Variants in ZNF490 observed in about 807,000 individuals in gnomAD.
ZNF490 encodes the protein zinc finger protein 490.
In ZNF490, 11 loss-of-function variants were observed where a neutral mutation model predicts 17.7. The ratio of observed to expected loss-of-function variants is 0.62; its 90% confidence interval spans 0.39 to 1.03. The LOEUF is 1.03. Among genes scored for constraint, ZNF490 ranks in the 50% least tolerant of loss-of-function variants. The pLI is 0.00. For missense variants in ZNF490, 542 were observed against 643.4 expected (o/e 0.84, Z 1.71); for synonymous variants, 222 against 216.1 (o/e 1.03, Z -0.24).
chr19:12,597,134 G>T (rs959378420), intron 2 of ZNF490: 6 of 462,230 alleles, frequency 1.3e-5, no homozygotes, highest in African/African-American at 2.0e-5. Context: ...GGGACTCCCG[G>T]CCCCGCACAC....
chr19:12,602,508 C>T (rs1157429505), intron 2 of ZNF490, among the ~76,000 whole-genome samples: 3 of 152,086 alleles, frequency 2.0e-5, no homozygotes, highest in Non-Finnish European at 4.4e-5. Context: ...CGAGATGATG[C>T]CACTGGACTC....
chr19:12,602,127 C>CACACACACAT (rs35798638), intron 2 of ZNF490, among the ~76,000 whole-genome samples: 3,960 of 141,872 alleles, frequency 0.028, 93 homozygotes, highest in South Asian at 0.043. Context: ...CACACACACA[C>CACACACACAT]ATATATGGGC....
chr19:12,581,505 T>A lies in ZNF490; in HGVS notation c.570A>T (p.Gly190=). The A allele has an allele frequency of 6.2e-7, 1 of 1,614,218 alleles. No individual in the cohort carries two copies. The highest frequency in any genetic ancestry group is 1.1e-5 in the South Asian group (1 of 91,084). ...ATTCTTTGCATTTATGTGGCTTCTC[T>A]CCATATTCGTGACACTCATTTGGTT... is the stretch of plus-strand genomic sequence containing the variant. ...EQKPNECHEY[G]EKPHKCKECG... Residue 190 remains glycine, a synonymous_variant, in exon 5 of 5, where the codon GGA becomes GGT. Transcript: ENST00000311437.
intron 2 of ZNF490, among the ~76,000 whole-genome samples, chr19:12,592,234 G>A (rs2022881820): frequency 6.6e-6 from 1 of 152,008 alleles, no homozygotes; most frequent in Non-Finnish European, 1.5e-5. Context: ...TACTCGGGAG[G>A]CTGAGGCAGG....
Position 12,578,716 on chromosome 19 carries a change from G to A in ZNF490, c.*1769C>T. The A allele has an allele frequency of 1.0e-6, 1 of 985,458 alleles. No individual in the cohort carries two copies. The highest frequency in any genetic ancestry group is 1.2e-6 in the Non-Finnish European group (1 of 829,956). 61.0% of individuals were successfully genotyped at this position (985,458 alleles called of 1,614,324 possible). A position where few individuals can be genotyped will look rare whatever the true frequency, so the allele number is the denominator to read the frequency against. On this transcript the variant is annotated 3_prime_UTR_variant, in exon 5 of 5. Coordinates refer to ENST00000311437, the MANE Select transcript of ZNF490 (RefSeq NM_020714.3). ...GATGGAAACTTAAAAGGCAGATTCT[G>A]GGAGTCTTCTCACTTCTCTCCAGTC...
At position 12,601,216 on chromosome 19, in the gene ZNF490, G is replaced by A. The variant is rs149515910; in HGVS notation, c.162+7942C>T. The stretch of plus-strand genomic sequence containing the variant: ...ATCCTGGCTAACACGGTGAAACTCC[G>A]TCTCTACTAAAAATACAAAAAATTA... On this transcript the variant is annotated intron_variant, in intron 2 of 4. Transcript: ENST00000311437. 1.3e-3 allele frequency among the ~76,000 whole-genome samples: 200 copies of A among 151,348 alleles called. 1 individual carries two copies. The highest frequency in any genetic ancestry group is 4.0e-3 in the African/African-American group (165 of 41,246).
At chr19:12,602,091 C>T (rs932211482) in intron 2 of ZNF490, among the ~76,000 whole-genome samples, 1,564 of 146,200 alleles carry the variant, frequency 0.011, 42 homozygotes, top group African/African-American at 0.032. Flanking sequence ...CACACACACA[C>T]ACACACACAC....
Position 12,578,831 on chromosome 19 carries a change from C to T in ZNF490, c.*1654G>A, listed in dbSNP as rs2022679127. The T allele has an allele frequency of 2.0e-6, 2 of 985,362 alleles. No individual in the cohort carries two copies. The highest frequency in any genetic ancestry group is 2.4e-6 in the Non-Finnish European group (2 of 829,984). 61.0% of individuals were successfully genotyped at this position (985,362 alleles called of 1,614,324 possible). A position where few individuals can be genotyped will look rare whatever the true frequency, so the allele number is the denominator to read the frequency against. ...CAAAAGGCCTGCTGGGGCCCAAGTC[C>T]TTCTTCCCCATTCCTTTAATTCTTC... On this transcript the variant is annotated 3_prime_UTR_variant, in exon 5 of 5. Coordinates refer to ENST00000311437, the MANE Select transcript of ZNF490 (RefSeq NM_020714.3).
At chr19:12,588,154 A>G (rs2022823868) in intron 2 of ZNF490, among the ~76,000 whole-genome samples, 1 of 150,154 alleles carries the variant, frequency 6.7e-6, no homozygotes, top group Non-Finnish European at 1.5e-5. Flanking sequence ...GTGAGACACC[A>G]TGCCTGGTCA....
chr19:12,590,256 C>T (rs1039947525), intron 2 of ZNF490, among the ~76,000 whole-genome samples: 3 of 149,384 alleles, frequency 2.0e-5, no homozygotes, highest in African/African-American at 7.4e-5. Context: ...CTCTGTTGCC[C>T]AGGCTGGAGT....
At position 12,577,507 on chromosome 19, in the gene ZNF490, AAATGTTCCTGGTGAGAGAAGCG is replaced by A. The variant is rs199629496; in HGVS notation, c.*2956_*2977del. Reference sequence around the variant, plus strand: ...ATGTTCCAACCCCTCATACTACCATAAATGTTCCTGGTGAGAGAAGCGAATGTTCCTGGTGAGAGAAGCGAAG... The same window carrying A: ...ATGTTCCAACCCCTCATACTACCATAAATGTTCCTGGTGAGAGAAGCGAAG... On this transcript the variant is annotated 3_prime_UTR_variant, in exon 5 of 5. Transcript: ENST00000311437. The A allele has an allele frequency of 0.24, 231,480 of 983,972 alleles. 29,566 individuals are homozygous for A. Among genetic ancestry groups the A allele is most frequent in the African/African-American group, 0.45 (25,532 of 57,058 alleles). 61.0% of individuals were successfully genotyped at this position (983,972 alleles called of 1,614,324 possible).
At chr19:12,588,723 A>G (rs2022830925) in intron 2 of ZNF490, among the ~76,000 whole-genome samples, 1 of 152,210 alleles carries the variant, frequency 6.6e-6, no homozygotes, top group East Asian at 1.9e-4. Flanking sequence ...ATTCTGGTAA[A>G]TAAAATACTT....
At chr19:12,590,445 G>C (rs917203442) in intron 2 of ZNF490, among the ~76,000 whole-genome samples, 42 of 151,242 alleles carry the variant, frequency 2.8e-4, no homozygotes, top group African/African-American at 1.0e-3. Context: ...CTGAACTCTT[G>C]ACCTCAATGA....
In ZNF490 at chr19:12,585,091, A is replaced by G. The variant is rs2022796905; in HGVS notation, c.163-1535T>C. Among the ~76,000 whole-genome samples the G allele has an allele frequency of 2.1e-5, 2 of 93,300 alleles. 1 individual carries two copies. The allele number at this position is 93,300 out of a possible 152,430, so 61.2% of individuals were successfully genotyped here. A position where few individuals can be genotyped will look rare whatever the true frequency, so the allele number is the denominator to read the frequency against. ...AGCCTGGCTGGGGATTTTTACTGAC[A>G]TTAGGGAGTGGGCTAGTGTGAGTTC... is the stretch of plus-strand genomic sequence containing the variant. On this transcript the variant is annotated intron_variant, in intron 2 of 4. Transcript: ENST00000311437.
rs1347865294 is a variant in ZNF490, at chr19:12,576,676, T to C, written c.*3809A>G. 7.7e-6 allele frequency among the ~76,000 whole-genome samples: 1 copy of C among 130,570 alleles called. No individual in the cohort carries two copies. The highest frequency in any genetic ancestry group is 7.6e-5 in the Admixed American group (1 of 13,192). 85.7% of individuals were successfully genotyped at this position (130,570 alleles called of 152,430 possible). On this transcript the variant is annotated 3_prime_UTR_variant, in exon 5 of 5. Transcript: ENST00000311437. ...TAAAAATACAAAAAAATTTAGCTGG[T>C]TGTGGTGGCACGCGCCTATAGTCCC...
intron 2 of ZNF490, among the ~76,000 whole-genome samples, chr19:12,604,715 TTGGGAAG>T (rs1425647947): frequency 6.6e-6 from 1 of 150,748 alleles, no homozygotes; most frequent in Non-Finnish European, 1.5e-5. Flanking sequence ...TCCCAGCTAC[TTGGGAAG>T]CTGAGGCAGG....
intron 2 of ZNF490, among the ~76,000 whole-genome samples, chr19:12,603,788 C>CTCA (rs2023034927): frequency 2.1e-5 from 3 of 139,838 alleles, no homozygotes; most frequent in Middle Eastern, 3.6e-3. Flanking sequence ...GACCCTATCT[C>CTCA]AAAAAAAAAA....
At chr19:12,597,409 T>C in intron 2 of ZNF490, 1 of 288,966 alleles carries the variant, frequency 3.5e-6, no homozygotes, top group South Asian at 3.1e-5. Context: ...GGGCACGTGG[T>C]TGAGCCGAGC....
At position 12,579,367 on chromosome 19, in the gene ZNF490, A is replaced by G. The variant is rs552743379; in HGVS notation, c.*1118T>C. ...GGAGTTCAAGACCAGCCTGGCCAAC[A>G]TGGTGAAACCCCGTCTCTACTAAAA... On this transcript the variant is annotated 3_prime_UTR_variant, in exon 5 of 5. Coordinates refer to ENST00000311437, the MANE Select transcript of ZNF490 (RefSeq NM_020714.3). 2.6e-5 allele frequency: 4 copies of G among 151,942 alleles called. No homozygotes were observed. Among genetic ancestry groups the G allele is most frequent in the South Asian group, 2.1e-4 (1 of 4,826 alleles). The allele number at this position is 151,942 out of a possible 1,614,324, so 9.4% of individuals were successfully genotyped here.
Sources: allele counts gnomAD v4.1 joint callset (sites outside exome capture counted in the v4.1 genomes callset), GRCh38; gene constraint gnomAD v4.1.1; transcripts MANE v1.5; gene names NCBI Gene and HGNC (gene_info 2026-07-23, HGNC 2026-07-21).